Variants in PLCG2 observed in about 807,000 individuals in gnomAD.
PLCG2 encodes 1-phosphatidylinositol 4,5-bisphosphate phosphodiesterase gamma-2.
In PLCG2, 69 loss-of-function variants were observed where a neutral mutation model predicts 175.6. The observed-to-expected ratio is 0.39, with a 90% CI of 0.32 to 0.48. The LOEUF (loss-of-function observed/expected upper bound fraction) is 0.48, where lower values mean the gene tolerates loss of function less well. Ranked by LOEUF, PLCG2 falls within the 20% of genes least tolerant of loss-of-function variation. The probability of loss-of-function intolerance (pLI) is 0.91; values close to 1 mark genes in which losing one functional copy is unlikely to be tolerated. For synonymous variants in PLCG2, 827 were observed against 624.0 expected, an observed-to-expected ratio of 1.33 and a Z score of -4.85; for missense variants, 1,798 against 1,650.9, an observed-to-expected ratio of 1.09 and a Z score of -1.54.
intron 2 of PLCG2, among the ~76,000 whole-genome samples, chr16:81,840,246 C>G (rs1028349910): frequency 6.6e-6 from 1 of 152,170 alleles, no homozygotes; most frequent in African/African-American, 2.4e-5. Flanking sequence ...CAGCTGGCCC[C>G]TGAGCTGCCC....
intron 2 of PLCG2, among the ~76,000 whole-genome samples, chr16:81,844,143 A>ATTTTTTTTTTTTTTTTTTTTTTTT (rs60183943): frequency 1.1e-5 from 1 of 93,910 alleles, no homozygotes; most frequent in Non-Finnish European, 2.0e-5. Context: ...CACCCGGCTG[A>ATTTTTTTTTTTTTTTTTTTTTTTT]TTTTTTTTTT....
At chr16:81,788,336 A>G (rs1162115930) in intron 2 of PLCG2, among the ~76,000 whole-genome samples, 3 of 152,180 alleles carry the variant, frequency 2.0e-5, no homozygotes, top group Non-Finnish European at 4.4e-5. Flanking sequence ...GCTGGAGTGC[A>G]GTAGTACAAT....
intron 2 of PLCG2, among the ~76,000 whole-genome samples, chr16:81,794,197 T>C (rs554923149): frequency 1.3e-5 from 2 of 152,260 alleles, no homozygotes; most frequent in East Asian, 1.9e-4. Flanking sequence ...AAAAGGGCTG[T>C]TGGGGACAAG....
In PLCG2 at chr16:81,879,093, G is replaced by A. The variant is rs866711933; in HGVS notation, c.649-1817G>A. Among the ~76,000 whole-genome samples, 5 of 152,164 alleles carry A rather than the reference G, an allele frequency of 3.3e-5. 1 individual carries two copies. The highest frequency in any genetic ancestry group is 3.9e-4 in the East Asian group (2 of 5,178). Reference sequence around the variant, plus strand: ...CTCCCTGAGTGGGGGAATGCGGTGCGGGCTTTTTCTGTGCTTTGTTGAAAG... The same window carrying A: ...CTCCCTGAGTGGGGGAATGCGGTGCAGGCTTTTTCTGTGCTTTGTTGAAAG... On this transcript the variant is annotated intron_variant, in intron 7 of 32. Transcript: ENST00000564138.
chr16:81,874,969 T>A (rs1270580676), intron 7 of PLCG2, among the ~76,000 whole-genome samples: 1 of 144,106 alleles, frequency 6.9e-6, no homozygotes, highest in Non-Finnish European at 1.5e-5. Context: ...TTTTTTTTTT[T>A]TTTTTTTTAT....
upstream of PLCG2, among the ~76,000 whole-genome samples, chr16:81,778,028 A>ACAAAAACAAAACAAACAAACAAAC (rs1325807074): frequency 1.1e-4 from 7 of 63,654 alleles, no homozygotes; most frequent in South Asian, 8.7e-4. Flanking sequence ...AAAAAAAAAA[A>ACAAAAACAAAACAAACAAACAAAC]AAACAAAAAA....
chr16:81,895,421 G>T (rs930957260), intron 12 of PLCG2, among the ~76,000 whole-genome samples: 1 of 152,158 alleles, frequency 6.6e-6, no homozygotes, highest in Admixed American at 6.6e-5. Context: ...TTAGCCGAGC[G>T]TGATGGTACG....
chr16:81,841,675 C>T (rs893762621), intron 2 of PLCG2, among the ~76,000 whole-genome samples: 1 of 152,128 alleles, frequency 6.6e-6, no homozygotes, highest in Non-Finnish European at 1.5e-5. Context: ...AGAGAAAGAG[C>T]TGGATTTAAC....
At chr16:81,917,067 G>C (rs1830280350) in intron 19 of PLCG2, among the ~76,000 whole-genome samples, 1 of 151,982 alleles carries the variant, frequency 6.6e-6, no homozygotes. Flanking sequence ...CCCTGCCCCG[G>C]ACCCTGGTAA....
chr16:81,938,515 C>A (rs968341186), intron 28 of PLCG2: 21 of 443,500 alleles, frequency 4.7e-5, no homozygotes, highest in African/African-American at 2.7e-4. Context: ...ATCAGAGGCA[C>A]CTGCTTGGGC....
intron 2 of PLCG2, among the ~76,000 whole-genome samples, chr16:81,803,673 C>T (rs1263664315): frequency 1.7e-5 from 2 of 117,532 alleles, no homozygotes; most frequent in Non-Finnish European, 3.5e-5. Context: ...CCCTTCCTTC[C>T]TTCCTTCCTT....
At chr16:81,865,962 G>T (rs1907211041) in intron 5 of PLCG2, among the ~76,000 whole-genome samples, 1 of 138,646 alleles carries the variant, frequency 7.2e-6, no homozygotes, top group African/African-American at 2.8e-5. Context: ...TTTCTCCCAG[G>T]ATGGGCTCCA....
intron 2 of PLCG2, among the ~76,000 whole-genome samples, chr16:81,787,775 C>G (rs1911048521): frequency 6.6e-6 from 1 of 152,126 alleles, no homozygotes; most frequent in Admixed American, 6.5e-5. Context: ...AAATTTAATT[C>G]TGTTTCTATA....
chr16:81,896,711 C>G (rs1279497780), intron 13 of PLCG2, among the ~76,000 whole-genome samples: 2 of 152,194 alleles, frequency 1.3e-5, no homozygotes, highest in African/African-American at 4.8e-5. Context: ...AGGCGGAATC[C>G]AAGCAGCCAG....
At chr16:81,942,199 T>C (rs1910969579) in intron 30 of PLCG2, among the ~76,000 whole-genome samples, 1 of 152,222 alleles carries the variant, frequency 6.6e-6, no homozygotes, top group South Asian at 2.1e-4. Context: ...GATGAGGGCC[T>C]TGAGCCTCAT....
intron 2 of PLCG2, among the ~76,000 whole-genome samples, chr16:81,760,260 G>C (rs1910009774): frequency 1.3e-5 from 2 of 152,212 alleles, no homozygotes; most frequent in African/African-American, 2.4e-5. Context: ...GATTGCTCGA[G>C]TAGAGCAGTG....
Position 81,918,474 on chromosome 16 carries a change from A to C in PLCG2, c.2055-1010A>C, listed in dbSNP as rs190942235. 1.4e-3 allele frequency among the ~76,000 whole-genome samples: 209 copies of C among 152,346 alleles called. 1 individual carries two copies. In the South Asian group the frequency reaches 0.021, roughly 16 times the overall value. On this transcript the variant is annotated intron_variant, in intron 19 of 32. Coordinates refer to ENST00000564138, the MANE Select transcript of PLCG2 (RefSeq NM_002661.5). ...AAATTCTTTTAATTTTTTTAAATCT[A>C]GGTTTCCCAACCCTACTTATTTAAC...
At chr16:81,803,035 A>T (rs955859749) in intron 2 of PLCG2, among the ~76,000 whole-genome samples, 1 of 152,016 alleles carries the variant, frequency 6.6e-6, no homozygotes, top group African/African-American at 2.4e-5. Flanking sequence ...CATCCCTGGC[A>T]ATGACAAATC....
At chr16:81,750,636 A>C (rs1480311586) in intron 1 of PLCG2, among the ~76,000 whole-genome samples, 1 of 145,500 alleles carries the variant, frequency 6.9e-6, no homozygotes, top group Non-Finnish European at 1.5e-5. Context: ...ACTATTCAGC[A>C]TTTAAAAAGC....
Sources: allele counts gnomAD v4.1 joint callset (sites outside exome capture counted in the v4.1 genomes callset), GRCh38; gene constraint gnomAD v4.1.1; transcripts MANE v1.5; gene names NCBI Gene and HGNC (gene_info 2026-07-23, HGNC 2026-07-21).